Variants in RAP1GDS1 observed in about 807,000 individuals in gnomAD.
The protein encoded by RAP1GDS1 is Rap1 GTPase-GDP dissociation stimulator 1, also known as RAP1, GTP-GDP dissociation stimulator 1.
RAP1GDS1 carries 35 observed loss-of-function variants against 71.1 expected under a neutral mutation model. The ratio of observed to expected loss-of-function variants is 0.49; its 90% CI spans 0.38 to 0.65. RAP1GDS1 has a LOEUF of 0.65. RAP1GDS1 is among the 30% of genes least tolerant of loss of function. RAP1GDS1 has a pLI of 0.00. For synonymous variants in RAP1GDS1, 229 were observed against 243.1 expected, an observed-to-expected ratio of 0.94 and a Z score of 0.54; for missense variants, 663 against 706.1, an observed-to-expected ratio of 0.94 and a Z score of 0.69.
chr4:98,410,881 T>G (rs1360426270), intron 7 of RAP1GDS1, among the ~76,000 whole-genome samples: 1 of 152,184 alleles, frequency 6.6e-6, no homozygotes, highest in Non-Finnish European at 1.5e-5. Flanking sequence ...CAGGATGATT[T>G]GAGACAAATG....
intron 4 of RAP1GDS1, among the ~76,000 whole-genome samples, chr4:98,370,719 T>C (rs1740249495): frequency 6.6e-6 from 1 of 152,002 alleles, no homozygotes; most frequent in Admixed American, 6.6e-5. Context: ...TACAGGCGCG[T>C]GCCAACACAC....
intron 14 of RAP1GDS1, 59 bp from the exon 15 acceptor site, chr4:98,441,930 GT>G: frequency 6.4e-7 from 1 of 1,570,124 alleles, no homozygotes; most frequent in Non-Finnish European, 8.7e-7. Context: ...TTTGGTATAT[GT>G]TTTGGATAGA....
At chr4:98,388,178 A>G (rs1390915486) in intron 5 of RAP1GDS1, among the ~76,000 whole-genome samples, 5 of 152,202 alleles carry the variant, frequency 3.3e-5, no homozygotes, top group Admixed American at 1.3e-4. Context: ...TGTAACATCT[A>G]CATAGTAACT....
Position 98,282,491 on chromosome 4 carries a change from CT to C in RAP1GDS1, c.5-10916del, listed in dbSNP as rs750321474. On this transcript the variant is annotated intron_variant, in intron 1 of 14. Coordinates refer to ENST00000408927, the MANE Select transcript of RAP1GDS1 (RefSeq NM_001100427.2). Reference sequence around the variant, plus strand: ...CATTTTTTAATGTGTCTATTTGATTCTGCTCTCTTTTCTTCTTTATTAGTCT... The same window carrying C: ...CATTTTTTAATGTGTCTATTTGATTCGCTCTCTTTTCTTCTTTATTAGTCT... Among the ~76,000 whole-genome samples the C allele has an allele frequency of 8.9e-4, 135 of 151,660 alleles. 1 individual carries two copies. Among genetic ancestry groups the C allele is most frequent in the South Asian group, 5.0e-3 (24 of 4,804 alleles).
intron 14 of RAP1GDS1, chr4:98,441,356 A>G (rs1198187705): frequency 1.0e-6 from 1 of 984,708 alleles, no homozygotes. Context: ...AGAAGAGGAC[A>G]AAAAATCTAA....
chr4:98,397,174 A>G (rs1190637608), intron 6 of RAP1GDS1, among the ~76,000 whole-genome samples: 3 of 152,144 alleles, frequency 2.0e-5, no homozygotes, highest in Non-Finnish European at 2.9e-5. Context: ...TAATATAACC[A>G]TGGAATTTTT....
chr4:98,382,783 G>A (rs989167568), intron 5 of RAP1GDS1, among the ~76,000 whole-genome samples: 1 of 151,496 alleles, frequency 6.6e-6, no homozygotes, highest in African/African-American at 2.4e-5. Flanking sequence ...TTCAATACTT[G>A]GAAGAGAAAC....
intron 3 of RAP1GDS1, among the ~76,000 whole-genome samples, chr4:98,345,792 A>G (rs929128265): frequency 1.3e-5 from 2 of 152,200 alleles, no homozygotes; most frequent in Admixed American, 1.3e-4. Context: ...GATTTTATGC[A>G]CTAGTTTGTT....
At chr4:98,326,454 A>G (rs1478499670) in intron 2 of RAP1GDS1, among the ~76,000 whole-genome samples, 1 of 151,956 alleles carries the variant, frequency 6.6e-6, no homozygotes, top group Non-Finnish European at 1.5e-5. Context: ...TCTTTCTAGG[A>G]TTATACTTGA....
intron 1 of RAP1GDS1, among the ~76,000 whole-genome samples, chr4:98,285,771 T>C (rs1036154452): frequency 1.8e-4 from 27 of 148,256 alleles, no homozygotes; most frequent in Admixed American, 1.4e-4. Context: ...TAAAATAATA[T>C]AATAATTATA....
chr4:98,374,044 T>A (rs139262772), intron 4 of RAP1GDS1, among the ~76,000 whole-genome samples: 27 of 152,170 alleles, frequency 1.8e-4, no homozygotes, highest in African/African-American at 6.3e-4. Context: ...TTTCTGGAAT[T>A]TTTTTTATTA....
intron 1 of RAP1GDS1, among the ~76,000 whole-genome samples, chr4:98,275,166 G>A (rs763550892): frequency 2.6e-5 from 4 of 152,054 alleles, no homozygotes; most frequent in Non-Finnish European, 5.9e-5. Context: ...TAGTATCGAT[G>A]TATATTGTAT....
At chr4:98,314,769 A>G (rs1730708188) in intron 2 of RAP1GDS1, among the ~76,000 whole-genome samples, 1 of 152,220 alleles carries the variant, frequency 6.6e-6, no homozygotes. Flanking sequence ...GAAGTGTTGT[A>G]GAAACAGAGA....
intron 1 of RAP1GDS1, among the ~76,000 whole-genome samples, chr4:98,281,693 GA>G (rs1725131055): frequency 6.6e-6 from 1 of 152,074 alleles, no homozygotes; most frequent in Non-Finnish European, 1.5e-5. Flanking sequence ...TGCCATTTTT[GA>G]AAGGGAATGC....
At chr4:98,418,057 G>A (rs1200023296) in intron 9 of RAP1GDS1, among the ~76,000 whole-genome samples, 2 of 152,028 alleles carry the variant, frequency 1.3e-5, no homozygotes, top group African/African-American at 4.8e-5. Flanking sequence ...AGGAAATACA[G>A]TTTATTTTTC....
intron 2 of RAP1GDS1, among the ~76,000 whole-genome samples, chr4:98,327,454 A>T (rs1460103472): frequency 6.6e-6 from 1 of 152,206 alleles, no homozygotes; most frequent in Non-Finnish European, 1.5e-5. Context: ...TAAGGTTGTG[A>T]CAGCCTTTGT....
chr4:98,271,807 A>G (rs1315806187), intron 1 of RAP1GDS1, among the ~76,000 whole-genome samples: 1 of 152,198 alleles, frequency 6.6e-6, no homozygotes, highest in Non-Finnish European at 1.5e-5. Context: ...AATCCTTTCA[A>G]CAATTCTATG....
chr4:98,422,182 A>G (rs888317032), intron 12 of RAP1GDS1, among the ~76,000 whole-genome samples: 4 of 152,080 alleles, frequency 2.6e-5, no homozygotes, highest in African/African-American at 9.7e-5. Context: ...CCTGGGTGAC[A>G]GAGCAAGACT....
At chr4:98,368,002 C>T (rs561392739) in intron 4 of RAP1GDS1, among the ~76,000 whole-genome samples, 34 of 151,968 alleles carry the variant, frequency 2.2e-4, no homozygotes, top group African/African-American at 8.0e-4. Context: ...TTGGGAGGGG[C>T]CGGGGGTGGA....
Sources: allele counts gnomAD v4.1 joint callset (sites outside exome capture counted in the v4.1 genomes callset), GRCh38; gene constraint gnomAD v4.1.1; transcripts MANE v1.5; gene names NCBI Gene and HGNC (gene_info 2026-07-23, HGNC 2026-07-21).